The following RAD51B variants were observed in gnomAD, a reference collection of about 807,000 sequenced individuals.
RAD51B encodes DNA repair protein RAD51 homolog 2.
A neutral mutation model predicts 42.2 loss-of-function variants in RAD51B; 38 were observed. The observed-to-expected ratio is 0.90, with a 90% CI of 0.70 to 1.18. The LOEUF is 1.18. Among genes scored for constraint, RAD51B ranks in the 50% most tolerant of loss-of-function variants. RAD51B has a pLI of 0.00. For synonymous variants in RAD51B, 154 were observed against 145.2 expected, an observed-to-expected ratio of 1.06 and a Z score of -0.43; for missense variants, 373 against 400.7, an observed-to-expected ratio of 0.93 and a Z score of 0.59.
In RAD51B at chr14:68,430,083, C is replaced by T. The variant is rs147994903; in HGVS notation, c.957+18556C>T. On this transcript the variant is annotated intron_variant, in intron 9 of 10. Coordinates refer to ENST00000471583, the MANE Select transcript of RAD51B (RefSeq NM_133510.4). ...AGATGTGTGGTATTATTTCTGAGGG[C>T]TCTGTTCCGTTCCATTGGTCTATAT... Among the ~76,000 whole-genome samples, 54 of 152,234 alleles carry T rather than the reference C, an allele frequency of 3.5e-4. 1 individual carries two copies. The East Asian group carries it at 0.01, about 29-fold the overall frequency.
chr14:67,945,806 G>A (rs754501516), intron 7 of RAD51B, among the ~76,000 whole-genome samples: 3 of 152,154 alleles, frequency 2.0e-5, no homozygotes, highest in Admixed American at 1.3e-4. Context: ...CCATGATTGG[G>A]TTTCAGTAAG....
chr14:68,526,581 G>A (rs1157107989), intron 10 of RAD51B, among the ~76,000 whole-genome samples: 1 of 152,228 alleles, frequency 6.6e-6, no homozygotes, highest in African/African-American at 2.4e-5. Context: ...ACAGCCAGAT[G>A]AGTGATTGTT....
chr14:68,321,380 C>T (rs2082154635), intron 8 of RAD51B, among the ~76,000 whole-genome samples: 1 of 152,204 alleles, frequency 6.6e-6, no homozygotes, highest in Admixed American at 6.5e-5. Flanking sequence ...CCAATTTATA[C>T]ACTCGCCAAG....
chr14:68,163,784 A>T (rs2078694934), intron 7 of RAD51B, among the ~76,000 whole-genome samples: 1 of 152,204 alleles, frequency 6.6e-6, no homozygotes, highest in Admixed American at 6.5e-5. Context: ...TGTTAATAGA[A>T]TTCAATTTGC....
In RAD51B at chr14:68,331,960, T is replaced by C. The variant is rs144836495; in HGVS notation, c.853+39980T>C. On this transcript the variant is annotated intron_variant, in intron 8 of 10. Transcript: ENST00000471583. ...TAACAATACCCCATTCATATGCATT[T>C]TCCAATTGAATTATGGAAGAAAAAT... is the stretch of plus-strand genomic sequence containing the variant. 3.1e-3 allele frequency among the ~76,000 whole-genome samples: 468 copies of C among 152,288 alleles called. 2 individuals carry two copies. Among genetic ancestry groups the C allele is most frequent in the African/African-American group, 0.011 (439 of 41,558 alleles).
chr14:68,327,109 T>C (rs1438888474), intron 8 of RAD51B, among the ~76,000 whole-genome samples: 3 of 152,210 alleles, frequency 2.0e-5, no homozygotes, highest in Non-Finnish European at 2.9e-5. Context: ...CACAGGAAGA[T>C]ATCCAGCAAA....
intron 7 of RAD51B, among the ~76,000 whole-genome samples, chr14:68,135,117 A>C (rs926623654): frequency 5.9e-5 from 9 of 152,188 alleles, no homozygotes; most frequent in African/African-American, 2.2e-4. Flanking sequence ...CATTGAGTAC[A>C]TAGTGTTTAA....
At chr14:68,077,354 A>G (rs1339513135) in intron 7 of RAD51B, among the ~76,000 whole-genome samples, 1 of 152,198 alleles carries the variant, frequency 6.6e-6, no homozygotes, top group African/African-American at 2.4e-5. Context: ...TCCCTGCCCC[A>G]GGGTATTTAC....
chr14:68,091,885 A>G (rs1011192333), intron 7 of RAD51B, among the ~76,000 whole-genome samples: 2 of 152,314 alleles, frequency 1.3e-5, no homozygotes, highest in African/African-American at 4.8e-5. Context: ...ATAAGGTGTA[A>G]GGAAGGGATC....
At chr14:68,566,711 G>A (rs1889439197) in intron 10 of RAD51B, among the ~76,000 whole-genome samples, 2 of 152,148 alleles carry the variant, frequency 1.3e-5, no homozygotes, top group Admixed American at 1.3e-4. Context: ...TCTCTCTGAA[G>A]TCTCATCAAA....
intron 7 of RAD51B, among the ~76,000 whole-genome samples, chr14:68,083,828 C>T (rs2076947995): frequency 6.6e-6 from 1 of 151,982 alleles, no homozygotes; most frequent in Admixed American, 6.6e-5. Flanking sequence ...AACACATTAA[C>T]AAGTACAAGC....
chr14:68,589,603 AG>A (rs1890649444), intron 10 of RAD51B, among the ~76,000 whole-genome samples: 1 of 152,156 alleles, frequency 6.6e-6, no homozygotes, highest in African/African-American at 2.4e-5. Flanking sequence ...TGCTGGTCCC[AG>A]GGGCCCTGCA....
chr14:68,298,819 G>C (rs2081662352), intron 8 of RAD51B, among the ~76,000 whole-genome samples: 1 of 152,124 alleles, frequency 6.6e-6, no homozygotes, highest in Admixed American at 6.5e-5. Flanking sequence ...AGGGCGAGAG[G>C]CCTCTAGGTC....
chr14:67,858,455 C>T (rs947363815), intron 4 of RAD51B, among the ~76,000 whole-genome samples: 1 of 152,148 alleles, frequency 6.6e-6, no homozygotes, highest in Non-Finnish European at 1.5e-5. Flanking sequence ...CCTTAAATTC[C>T]GGCTGTCTCC....
intron 7 of RAD51B, among the ~76,000 whole-genome samples, chr14:68,143,719 C>CT (rs1222203854): frequency 3.3e-5 from 5 of 152,352 alleles, no homozygotes; most frequent in African/African-American, 1.2e-4. Context: ...TCACTATACT[C>CT]TGCCTGTTGC....
intron 8 of RAD51B, among the ~76,000 whole-genome samples, chr14:68,409,164 G>A (rs1490990417): frequency 6.6e-6 from 1 of 152,186 alleles, no homozygotes; most frequent in Non-Finnish European, 1.5e-5. Context: ...GAGGAGGTAT[G>A]ATAGCAAATT....
intron 7 of RAD51B, among the ~76,000 whole-genome samples, chr14:68,002,054 A>G (rs1473938760): frequency 6.6e-6 from 1 of 152,158 alleles, no homozygotes; most frequent in Non-Finnish European, 1.5e-5. Context: ...TCCTTTGGGT[A>G]TATAAGCAGT....
Position 68,091,059 on chromosome 14 carries a change from C to T in RAD51B, c.757-200825C>T, listed in dbSNP as rs1027104402. On this transcript the variant is annotated intron_variant, in intron 7 of 10. Transcript: ENST00000471583. ...TCATTTTTTATGGCTGCATAGTATTCCATGGCGTATATGTGCCACATTTTC... is the reference window on the plus strand; with the variant it reads ...TCATTTTTTATGGCTGCATAGTATTTCATGGCGTATATGTGCCACATTTTC... Among the ~76,000 whole-genome samples, 3 of 152,150 alleles carry T rather than the reference C, an allele frequency of 2.0e-5. No homozygotes were observed. The East Asian group carries it at 5.8e-4, about 29-fold the overall frequency.
chr14:68,565,264 G>C lies in RAD51B; in HGVS notation c.1037-29221G>C, dbSNP rs1889367573. 6.6e-6 allele frequency among the ~76,000 whole-genome samples: 1 copy of C among 152,214 alleles called. No homozygotes were observed. The highest frequency in any genetic ancestry group is 6.5e-5 in the Admixed American group (1 of 15,286). Reference sequence around the variant, plus strand: ...AGGCTCAGCTGTGAGGGTGTGGACAGGGAGGCAGACAGGATGTGCTGCCTT... The same window carrying C: ...AGGCTCAGCTGTGAGGGTGTGGACACGGAGGCAGACAGGATGTGCTGCCTT... On this transcript the variant is annotated intron_variant, in intron 10 of 10. Coordinates refer to the RAD51B transcript ENST00000487270. This position sits in a 1 kb window ranked among gnomAD's most constrained non-coding sequence, Gnocchi z 4.1.
Sources: allele counts gnomAD v4.1 joint callset (sites outside exome capture counted in the v4.1 genomes callset), GRCh38; gene constraint gnomAD v4.1.1; non-coding constraint Gnocchi (gnomAD v3.1); transcripts MANE v1.5; gene names NCBI Gene and HGNC (gene_info 2026-07-23, HGNC 2026-07-21).